FBN2: variants seen among roughly 807,000 people sequenced by gnomAD.
The protein encoded by FBN2 is fibrillin 2, also known as fibrillin-2.
Under a neutral mutation model 355.6 loss-of-function variants are expected in FBN2, and 105 were observed. The ratio of observed to expected loss-of-function variants is 0.30; its 90% CI spans 0.25 to 0.35. The LOEUF (loss-of-function observed/expected upper bound fraction) is 0.35, where lower values mean the gene tolerates loss of function less well. Among genes scored for constraint, FBN2 ranks in the 10% least tolerant of loss-of-function variants. The probability of loss-of-function intolerance (pLI) is 1.00; values close to 1 mark genes in which losing one functional copy is unlikely to be tolerated. For missense variants in FBN2, 3,280 were observed against 3,758.7 expected (o/e 0.87, Z 3.33); for synonymous variants, 1,350 against 1,301.2 (o/e 1.04, Z -0.81).
intron 18 of FBN2, among the ~76,000 whole-genome samples, chr5:128,363,557 T>C (rs530512126): frequency 1.3e-5 from 2 of 152,288 alleles, no homozygotes; most frequent in South Asian, 4.1e-4. Context: ...AAAAGATATG[T>C]TGAAATCTTA....
chr5:128,514,836 C>T (rs1756236386), intron 5 of FBN2, among the ~76,000 whole-genome samples: 1 of 152,156 alleles, frequency 6.6e-6, no homozygotes, highest in South Asian at 2.1e-4. Flanking sequence ...AATAAACATG[C>T]ATGACATTTT....
At chr5:128,422,624 C>A (rs1416621060) in intron 7 of FBN2, among the ~76,000 whole-genome samples, 1 of 152,164 alleles carries the variant, frequency 6.6e-6, no homozygotes, top group Non-Finnish European at 1.5e-5. Flanking sequence ...AGAGCTGGAA[C>A]ATTTTGCTCT....
intron 25 of FBN2, among the ~76,000 whole-genome samples, chr5:128,339,588 GAAAAGA>G (rs1056426915): frequency 4.7e-4 from 71 of 152,160 alleles, no homozygotes; most frequent in African/African-American, 1.1e-3. Context: ...TCTCAAAAAA[GAAAAGA>G]AAAAGAAAAA....
rs1272777005 is a variant in FBN2 at position 128,259,623 on chromosome 5, G to A, written c.8571C>T (p.His2857=). The part of the protein sequence containing the change: ...IHQRNGLSYL[H]TAKKKLMPGT... The stretch of plus-strand genomic sequence containing the variant: ...CGGGCATGAGCTTCTTCTTGGCCGT[G>A]TGCAAGTAGCTGAGCCCATTCCTTT... Residue 2857 remains histidine (H), a synonymous_variant, in exon 65 of 65, where the codon CAC becomes CAT. Transcript: ENST00000262464. 1 of 1,613,948 alleles carries A rather than the reference G, an allele frequency of 6.2e-7. No individual in the cohort carries two copies. The highest frequency in any genetic ancestry group is 1.3e-5 in the African/African-American group (1 of 74,896).
At chr5:128,314,028 T>G (rs1750134860) in intron 36 of FBN2, among the ~76,000 whole-genome samples, 1 of 152,050 alleles carries the variant, frequency 6.6e-6, no homozygotes, top group African/African-American at 2.4e-5. Context: ...CATCCTTGAC[T>G]AAACTATGGT....
chr5:128,378,918 G>C (rs778714528), intron 11 of FBN2, 28 bp from the exon 12 acceptor site: 5 of 1,611,930 alleles, frequency 3.1e-6, no homozygotes, highest in East Asian at 2.2e-5. Context: ...AACCATTATA[G>C]ACTTCACTCC....
intron 20 of FBN2, among the ~76,000 whole-genome samples, chr5:128,351,244 C>T (rs1465719817): frequency 6.7e-6 from 1 of 148,888 alleles, no homozygotes; most frequent in African/African-American, 2.5e-5. Flanking sequence ...AAAAAGAATA[C>T]TTTAAAAGTT....
rs142247759 is a variant in FBN2 at position 128,448,965 on chromosome 5, C to T, written c.827-2359G>A. On this transcript the variant is annotated intron_variant, in intron 6 of 64. Coordinates refer to ENST00000262464, the MANE Select transcript of FBN2 (RefSeq NM_001999.4). ...CTTAGTATTGACATAATAAAATTCA[C>T]GAAGCATTAATAAAGAATTTTTGGA... Among the ~76,000 whole-genome samples, 28 of 151,808 alleles carry T rather than the reference C, an allele frequency of 1.8e-4. No individual in the cohort carries two copies. In the East Asian group the frequency reaches 4.8e-3, roughly 26 times the overall value.
chr5:128,288,340 A>C (rs1749217549), intron 53 of FBN2, 98 bp downstream of exon 53: 1 of 1,422,094 alleles, frequency 7.0e-7, no homozygotes, highest in Admixed American at 1.8e-5. Flanking sequence ...CCGTATGCTC[A>C]CCAGCAGAAT....
rs1282210917 is a variant in FBN2 at position 128,344,423 on chromosome 5, C to T, written c.3305G>A (p.Ser1102Asn). The T allele has an allele frequency of 1.9e-6, 3 of 1,613,862 alleles. No individual in the cohort carries two copies. The highest frequency in any genetic ancestry group is 1.3e-5 in the African/African-American group (1 of 74,928). ...TTCCTCCATGTCTAGAGCAAAGCCA[C>T]TATTGCAACGGCATTTGAAGCTTCC... Reference protein sequence around the residue: ...TIGSFKCRCNSGFALDMEERN... With the variant: ...TIGSFKCRCNNGFALDMEERN... The change falls in exon 25 of 65, where the codon AGT becomes AAT. Residue 1102 changes from serine (S) to asparagine (N), a missense_variant. This residue lies in a region of FBN2 where 2,284 missense variants were observed against 2,749.5 expected (regional missense o/e 0.83). Coordinates refer to ENST00000262464, the MANE Select transcript of FBN2 (RefSeq NM_001999.4).
intron 23 of FBN2, among the ~76,000 whole-genome samples, chr5:128,346,783 A>G (rs1031692875): frequency 6.6e-6 from 1 of 152,198 alleles, no homozygotes; most frequent in Non-Finnish European, 1.5e-5. Context: ...TACTAAAAAT[A>G]CAAAAATTAG....
chr5:128,408,744 G>T lies in FBN2; in HGVS notation c.1008C>A (p.Asn336Lys). The stretch of plus-strand genomic sequence containing the variant: ...AAACACAAAAATAGCTTCCCACGGT[G>T]TTGGAACATTCACCAGTTTCACATA... ...PGICETGECSNTVGSYFCVCP... is the reference protein window; with the variant it reads ...PGICETGECSKTVGSYFCVCP... Residue 336 changes from asparagine to lysine, a missense_variant, in exon 8 of 65, where the codon AAC (asparagine) becomes AAA (lysine). Transcript: ENST00000262464. 1 of 1,614,004 alleles carries T rather than the reference G, an allele frequency of 6.2e-7. No homozygotes were observed. The highest frequency in any genetic ancestry group is 8.5e-7 in the Non-Finnish European group (1 of 1,179,878).
chr5:128,274,049 T>A, intron 60 of FBN2, 81 bp from the exon 61 acceptor site: 1 of 1,517,208 alleles, frequency 6.6e-7, no homozygotes, highest in Non-Finnish European at 9.1e-7. Flanking sequence ...AAAAGCAATG[T>A]ATGAAAACCT....
chr5:128,334,654 A>T (rs951448208), intron 31 of FBN2, 65 bp downstream of exon 31: 15 of 1,558,968 alleles, frequency 9.6e-6, no homozygotes, highest in Non-Finnish European at 1.1e-5. Context: ...AGAACAAATG[A>T]TGTTGAAAGT....
intron 7 of FBN2, among the ~76,000 whole-genome samples, chr5:128,426,514 C>T (rs1753487030): frequency 6.6e-6 from 1 of 152,206 alleles, no homozygotes; most frequent in Non-Finnish European, 1.5e-5. Context: ...ATTTCTCCCA[C>T]TGCTGTTTTG....
intron 8 of FBN2, among the ~76,000 whole-genome samples, chr5:128,405,245 T>C (rs1380524775): frequency 6.6e-6 from 1 of 152,086 alleles, no homozygotes; most frequent in Non-Finnish European, 1.5e-5. Context: ...AAGGGTGAGC[T>C]GGATTTTAAT....
chr5:128,363,151 T>G (rs1751681054), intron 18 of FBN2, among the ~76,000 whole-genome samples: 1 of 152,042 alleles, frequency 6.6e-6, no homozygotes, highest in Non-Finnish European at 1.5e-5. Context: ...TTTCTTTCTC[T>G]CTTTCTTTCT....
chr5:128,384,103 A>G lies in FBN2; in HGVS notation c.1604-5213T>C, dbSNP rs1409479387. Among the ~76,000 whole-genome samples, 5 of 152,170 alleles carry G rather than the reference A, an allele frequency of 3.3e-5. No homozygotes were observed. In the South Asian group the frequency reaches 8.3e-4, roughly 25 times the overall value. ...CCATACAATAAAATATTATTCCACAACAAAAAGAAATAAATGATTTTTCCC... is the reference window on the plus strand; with the variant it reads ...CCATACAATAAAATATTATTCCACAGCAAAAAGAAATAAATGATTTTTCCC... On this transcript the variant is annotated intron_variant, in intron 11 of 64. Transcript: ENST00000262464.
At position 128,503,375 on chromosome 5, in the gene FBN2, CT is replaced by C. The variant is rs772479603; in HGVS notation, c.628+15897del. On this transcript the variant is annotated intron_variant, in intron 5 of 64. Coordinates refer to ENST00000262464, the MANE Select transcript of FBN2 (RefSeq NM_001999.4). ...TAGTGGGGTGGTGCTGTAAAGACAC[CT>C]GAAAATGTGGAAGAGACTATGGAAC... 9.2e-5 allele frequency among the ~76,000 whole-genome samples: 14 copies of C among 152,198 alleles called. No homozygotes were observed. In the East Asian group the frequency reaches 2.7e-3, roughly 29 times the overall value.
Sources: gnomAD v4.1 joint callset for allele counts (sites outside exome capture counted in the v4.1 genomes callset) on GRCh38, gnomAD v4.1.1 for gene constraint, gnomAD v4.1.1 regional missense constraint, MANE v1.5 for transcripts, NCBI Gene and HGNC (gene_info 2026-07-23, HGNC 2026-07-21) for gene names.